Variants in NCOR1 observed in about 807,000 individuals in gnomAD.
NCOR1 encodes the protein nuclear receptor corepressor 1.
In NCOR1, 63 loss-of-function variants were observed where a neutral mutation model predicts 288.1. The ratio of observed to expected loss-of-function variants is 0.22; its 90% CI spans 0.18 to 0.27. The LOEUF (loss-of-function observed/expected upper bound fraction) is 0.27, where lower values mean the gene tolerates loss of function less well. NCOR1 is among the 10% of genes least tolerant of loss of function. NCOR1 has a pLI of 1.00. For missense variants in NCOR1, 2,397 were observed against 3,019.2 expected (o/e 0.79, Z 4.83); for synonymous variants, 1,007 against 1,065.9 (o/e 0.94, Z 1.08).
At chr17:16,196,456 G>A (rs1223337731) in intron 1 of NCOR1, among the ~76,000 whole-genome samples, 15 of 152,188 alleles carry the variant, frequency 9.9e-5, no homozygotes, top group Non-Finnish European at 7.4e-5. Context: ...GATCTCCTAA[G>A]GCCAGGCGTT....
chr17:16,180,641 G>A (rs544310440), intron 3 of NCOR1, among the ~76,000 whole-genome samples: 17 of 152,132 alleles, frequency 1.1e-4, no homozygotes, highest in South Asian at 2.1e-4. Flanking sequence ...CCAGCTACCC[G>A]GGAGGCTGCA....
chr17:16,039,295 A>T, intron 44 of NCOR1, 138 bp downstream of exon 44: 1 of 813,794 alleles, frequency 1.2e-6, no homozygotes, highest in Non-Finnish European at 1.9e-6. Flanking sequence ...AACCTTTTTT[A>T]AGTAACGGAA....
At chr17:16,199,345 C>T (rs1019539877) in intron 1 of NCOR1, among the ~76,000 whole-genome samples, 1 of 152,010 alleles carries the variant, frequency 6.6e-6, no homozygotes, top group Non-Finnish European at 1.5e-5. Flanking sequence ...ACCACGACAA[C>T]CTCCTTCCTC....
At chr17:16,172,485 C>T (rs1482841300) in intron 3 of NCOR1, among the ~76,000 whole-genome samples, 1 of 152,058 alleles carries the variant, frequency 6.6e-6, no homozygotes, top group Non-Finnish European at 1.5e-5. Flanking sequence ...TGTTAAAATG[C>T]CATAATAATT....
At chr17:16,123,624 T>C (rs1299664950) in intron 15 of NCOR1, among the ~76,000 whole-genome samples, 1 of 152,228 alleles carries the variant, frequency 6.6e-6, no homozygotes, top group African/African-American at 2.4e-5. Flanking sequence ...CTTCCACTTC[T>C]CTTCTTGATG....
At chr17:16,088,854 A>G (rs1396829164) in intron 22 of NCOR1, among the ~76,000 whole-genome samples, 3 of 152,142 alleles carry the variant, frequency 2.0e-5, no homozygotes, top group Admixed American at 6.5e-5. Context: ...GTGTCTCACT[A>G]AAGGACTGGG....
At chr17:16,081,169 C>A (rs1245202534) in intron 23 of NCOR1, among the ~76,000 whole-genome samples, 1 of 147,840 alleles carries the variant, frequency 6.8e-6, no homozygotes, top group Non-Finnish European at 1.5e-5. Flanking sequence ...AAGAATCAAC[C>A]TTTTTTTTTC....
At chr17:16,207,134 T>C (rs1032677054) in intron 1 of NCOR1, among the ~76,000 whole-genome samples, 2 of 152,144 alleles carry the variant, frequency 1.3e-5, no homozygotes, top group African/African-American at 4.8e-5. Flanking sequence ...TACCTCCAAA[T>C]ACATAAAAGT....
Position 16,127,465 on chromosome 17 carries a change from G to A in NCOR1, c.1510-1259C>T, listed in dbSNP as rs1271326828. 1.4e-5 allele frequency among the ~76,000 whole-genome samples: 2 copies of A among 145,470 alleles called. 1 individual carries two copies. Among genetic ancestry groups the A allele is most frequent in the South Asian group, 4.3e-4 (2 of 4,680 alleles). The stretch of plus-strand genomic sequence containing the variant: ...TATATGTGTATATGTATATATACGT[G>A]TATGTGTATATATACACGTGTGTAT... On this transcript the variant is annotated intron_variant, in intron 14 of 45. Transcript: ENST00000268712.
intron 4 of NCOR1, among the ~76,000 whole-genome samples, chr17:16,170,837 T>A (rs1362995411): frequency 3.6e-5 from 5 of 137,842 alleles, no homozygotes; most frequent in Non-Finnish European, 7.7e-5. Context: ...CGAGACTCCA[T>A]CTCAAAAAAA....
intron 15 of NCOR1, 91 bp from the exon 16 acceptor site, chr17:16,121,360 T>TTGAATAAAAC: frequency 9.1e-7 from 1 of 1,102,130 alleles, no homozygotes; most frequent in Non-Finnish European, 1.2e-6. Flanking sequence ...TAAATAGAAA[T>TTGAATAAAAC]TGAATAAAAC....
intron 16 of NCOR1, among the ~76,000 whole-genome samples, chr17:16,120,401 A>G (rs138945231): frequency 6.6e-6 from 1 of 151,982 alleles, no homozygotes; most frequent in African/African-American, 2.4e-5. Flanking sequence ...GCCCCAACCT[A>G]TCTTTCCTCC....
chr17:16,171,723 C>G lies in NCOR1; in HGVS notation c.435+80G>C, dbSNP rs2083175825. On this transcript the variant is annotated intron_variant, in intron 4 of 45. Coordinates refer to ENST00000268712, the MANE Select transcript of NCOR1 (RefSeq NM_006311.4). ...TTAGAGACTGGTGTAACTGGACTTT[C>G]TTTGAGGTGCTATGCATGAGTATAA... 4 of 1,271,702 alleles carry G rather than the reference C, an allele frequency of 3.1e-6. No individual in the cohort carries two copies. In the African/African-American group the frequency reaches 4.6e-5, roughly 15 times the overall value. The allele number at this position is 1,271,702 out of a possible 1,614,324, so 78.8% of individuals were successfully genotyped here. A position where few individuals can be genotyped will look rare whatever the true frequency, so the allele number is the denominator to read the frequency against.
intron 28 of NCOR1, 31 bp downstream of exon 28, chr17:16,073,398 T>C (rs1212678675): frequency 6.5e-7 from 1 of 1,532,042 alleles, no homozygotes; most frequent in East Asian, 2.4e-5. Flanking sequence ...ATAACATGTA[T>C]CAAAATAACA....
chr17:16,073,183 A>G (rs1354364467), intron 28 of NCOR1, among the ~76,000 whole-genome samples: 13 of 152,206 alleles, frequency 8.5e-5, no homozygotes, highest in Admixed American at 8.5e-4. Flanking sequence ...TCTAATAGTA[A>G]CCTATGATAT....
rs769360451 is a variant in NCOR1 at position 16,034,803 on chromosome 17, G to A, written c.7097C>T (p.Thr2366Met). The change falls in exon 45 of 46, where the codon ACG becomes ATG. Residue 2366 changes from threonine (T) to methionine (M), a missense_variant. By Grantham distance (81) the Thr-to-Met change is moderately conservative. Coordinates refer to ENST00000268712, the MANE Select transcript of NCOR1 (RefSeq NM_006311.4). ...VHSEGDYHRQ[T>M]PGWAWEDRPS... is the part of the protein sequence containing the mutation. ...CCTGTCTTCCCAGGCCCACCCTGGC[G>A]TCTGCCTATGGTAATCCCCTTCTGA... 1.5e-5 allele frequency: 25 copies of A among 1,613,720 alleles called. No homozygotes were observed. Among genetic ancestry groups the A allele is most frequent in the South Asian group, 6.6e-5 (6 of 91,022 alleles).
chr17:16,199,215 A>AC (rs1448993019), intron 1 of NCOR1, among the ~76,000 whole-genome samples: 2,364 of 115,874 alleles, frequency 0.02, 29 homozygotes, highest in East Asian at 0.09. Flanking sequence ...AAAAAAAAAA[A>AC]AACACACACA....
intron 15 of NCOR1, among the ~76,000 whole-genome samples, chr17:16,124,827 T>C (rs1267023523): frequency 1.3e-5 from 2 of 152,232 alleles, no homozygotes; most frequent in African/African-American, 4.8e-5. Flanking sequence ...CTTCCTGTCT[T>C]AGCATTTTTA....
chr17:16,213,676 T>C (rs752615351), intron 1 of NCOR1, among the ~76,000 whole-genome samples: 2 of 152,066 alleles, frequency 1.3e-5, no homozygotes, highest in Non-Finnish European at 2.9e-5. Context: ...TCAATCTGTT[T>C]AAAACAATTT....
Sources: allele counts gnomAD v4.1 joint callset (sites outside exome capture counted in the v4.1 genomes callset), GRCh38; gene constraint gnomAD v4.1.1; transcripts MANE v1.5; gene names NCBI Gene and HGNC (gene_info 2026-07-23, HGNC 2026-07-21).